Variants in GFRA4 observed in about 807,000 individuals in gnomAD.
GFRA4 encodes GDNF family receptor alpha-4.
A neutral mutation model predicts 28.5 loss-of-function variants in GFRA4; 31 were observed. The observed-to-expected ratio is 1.09, with a 90% CI of 0.82 to 1.47. GFRA4 has a LOEUF of 1.47. GFRA4 is among the 40% of genes most tolerant of loss of function. The pLI is 0.00. For synonymous variants in GFRA4, 188 were observed against 188.0 expected (o/e 1.00, Z 0.00); for missense variants, 389 against 413.2 (o/e 0.94, Z 0.51).
rs1358254277 is a variant in GFRA4, at chr20:3,661,334, T to C, written c.47-45A>G. 4 of 1,385,372 alleles carry C rather than the reference T, an allele frequency of 2.9e-6. No homozygotes were observed. In the African/African-American group the frequency reaches 4.5e-5, roughly 16 times the overall value. 85.8% of individuals were successfully genotyped at this position (1,385,372 alleles called of 1,614,324 possible). On this transcript the variant is annotated intron_variant, in intron 1 of 5. Coordinates refer to ENST00000290417, the MANE Select transcript of GFRA4 (RefSeq NM_022139.4). ...GCTGCAGGTCTCAGTGCGCCCCGCA[T>C]GCACACTTCACCCAGCCCATCCACG...
chr20:3,663,339 G>A lies in GFRA4; in HGVS notation c.46+15C>T. On this transcript the variant is annotated intron_variant, in intron 1 of 5. Coordinates refer to ENST00000290417, the MANE Select transcript of GFRA4 (RefSeq NM_022139.4). ...GGCCAGGGTTCGGGGTCCAGGGGAA[G>A]AGAGGGGCGCTCACCCAGTAACAGC... 6.2e-7 allele frequency: 1 copy of A among 1,608,708 alleles called. No homozygotes were observed. The highest frequency in any genetic ancestry group is 1.3e-5 in the African/African-American group (1 of 75,016).
At position 3,660,808 on chromosome 20, in the gene GFRA4, C is replaced by T; in HGVS notation, c.449G>A (p.Gly150Asp). Residue 150 changes from glycine (G) to aspartate (D), a missense_variant, in exon 3 of 6, where the codon GGC becomes GAC. Coordinates refer to ENST00000290417, the MANE Select transcript of GFRA4 (RefSeq NM_022139.4). ...SCTPAPSAPD[G>D]CLLDQGARCL... The stretch of plus-strand genomic sequence containing the variant: ...GCGGGCGCCCTGGTCCAGCAGGCAG[C>T]CGTCGGGGGCGCTGGGCGCTGGGGT... The T allele has an allele frequency of 7.1e-7, 1 of 1,414,364 alleles. No homozygotes were observed. Among genetic ancestry groups the T allele is most frequent in the South Asian group, 1.6e-5 (1 of 63,982 alleles). 87.6% of individuals were successfully genotyped at this position (1,414,364 alleles called of 1,614,324 possible). A position where few individuals can be genotyped will look rare whatever the true frequency, so the allele number is the denominator to read the frequency against.
In GFRA4 at chr20:3,660,755, C is replaced by A. The variant is rs959176308; in HGVS notation, c.502G>T (p.Gly168Cys). ...RCLRAYAGLV[G>C]TAVTPNYVDN... ...TCGCCCGGATCCCGGCCGCGCGTAC[C>A]CACGAGGCCCGCGTAGGCGCGCAGG... The change falls in exon 3 of 6, where the codon GGC (glycine) becomes TGC (cysteine). Residue 168 changes from glycine to cysteine, a missense_variant and splice_region_variant. By Grantham distance (159) the Gly-to-Cys change is radical. Coordinates refer to ENST00000290417, the MANE Select transcript of GFRA4 (RefSeq NM_022139.4). The A allele has an allele frequency of 9.9e-6, 14 of 1,421,218 alleles. No homozygotes were observed. The highest frequency in any genetic ancestry group is 1.2e-5 in the Non-Finnish European group (13 of 1,095,764). 88.0% of individuals were successfully genotyped at this position (1,421,218 alleles called of 1,614,324 possible).
At position 3,660,960 on chromosome 20, in the gene GFRA4, G is replaced by T; in HGVS notation, c.376C>A (p.Arg126Ser). Residue 126 changes from arginine to serine, a missense_variant, in exon 2 of 6, where the codon CGC (arginine) becomes AGC (serine). By Grantham distance (110) the Arg-to-Ser change is moderately radical. Transcript: ENST00000290417. The part of the protein sequence containing the change: ...SCLEPLNFCE[R>S]SRVCRPRLLA... ...CGCGCGCACCTGCAGACCCGGCTGC[G>T]CTCGCAGAAGTTTAAGGGCTCAAGG... The T allele has an allele frequency of 7.0e-7, 1 of 1,430,858 alleles. No individual in the cohort carries two copies. The highest frequency in any genetic ancestry group is 1.4e-5 in the South Asian group (1 of 71,936). 88.6% of individuals were successfully genotyped at this position (1,430,858 alleles called of 1,614,324 possible). A position where few individuals can be genotyped will look rare whatever the true frequency, so the allele number is the denominator to read the frequency against.
intron 5 of GFRA4, 63 bp from the exon 6 acceptor site, chr20:3,660,052 C>A: frequency 6.6e-7 from 1 of 1,513,736 alleles, no homozygotes; most frequent in Admixed American, 2.1e-5. Context: ...CTGCCTGCAC[C>A]CCCACCCCAG....
In GFRA4 at chr20:3,659,820, C is replaced by G. The variant is rs635674; in HGVS notation, c.*89G>C. On this transcript the variant is annotated 3_prime_UTR_variant, in exon 6 of 6. Transcript: ENST00000290417. ...AGGGCCGGCTTGGGGGGTAAGCCAG[C>G]CCCTTCTCAAGGGGCCAGTAGGCCA... The G allele has an allele frequency of 2.3e-6, 3 of 1,276,946 alleles. No homozygotes were observed. The highest frequency in any genetic ancestry group is 3.3e-6 in the Non-Finnish European group (3 of 904,888). 79.1% of individuals were successfully genotyped at this position (1,276,946 alleles called of 1,614,324 possible). A position where few individuals can be genotyped will look rare whatever the true frequency, so the allele number is the denominator to read the frequency against.
rs1386653508 is a variant in GFRA4, at chr20:3,661,137, C to A, written c.199G>T (p.Ala67Ser). The A allele has an allele frequency of 9.8e-6, 13 of 1,330,092 alleles. No homozygotes were observed. Among genetic ancestry groups the A allele is most frequent in the South Asian group, 2.0e-5 (1 of 49,188 alleles). The allele number at this position is 1,330,092 out of a possible 1,614,324, so 82.4% of individuals were successfully genotyped here. A position where few individuals can be genotyped will look rare whatever the true frequency, so the allele number is the denominator to read the frequency against. Residue 67 changes from alanine (A) to serine (S), a missense_variant, in exon 2 of 6, where the codon GCC becomes TCC. Transcript: ENST00000290417. ...CCGCGGGCGAAGAAGCGGCGCAGGGCCCGGCGGCAGCGGGCGCGGGGACAG... is the reference window on the plus strand; with the variant it reads ...CCGCGGGCGAAGAAGCGGCGCAGGGACCGGCGGCAGCGGGCGCGGGGACAG... ...GGCPRARCRR[A>S]LRRFFARGPP... is the part of the protein sequence containing the mutation.
In GFRA4 at chr20:3,660,928, C is replaced by A; in HGVS notation, c.392+16G>T. 7.2e-7 allele frequency: 1 copy of A among 1,379,854 alleles called. No homozygotes were observed. The highest frequency in any genetic ancestry group is 9.3e-7 in the Non-Finnish European group (1 of 1,078,374). The allele number at this position is 1,379,854 out of a possible 1,614,324, so 85.5% of individuals were successfully genotyped here. A position where few individuals can be genotyped will look rare whatever the true frequency, so the allele number is the denominator to read the frequency against. ...GTCCCCACCCTCGCCACGGCCCCGCCGCCGCCCGCGCGCACCTGCAGACCC... is the reference window on the plus strand; with the variant it reads ...GTCCCCACCCTCGCCACGGCCCCGCAGCCGCCCGCGCGCACCTGCAGACCC... On this transcript the variant is annotated intron_variant, in intron 2 of 5. Transcript: ENST00000290417.
intron 1 of GFRA4, among the ~76,000 whole-genome samples, chr20:3,662,555 G>A (rs2087234900): frequency 6.6e-6 from 1 of 152,192 alleles, no homozygotes; most frequent in Non-Finnish European, 1.5e-5. Context: ...ATTGGACCGC[G>A]TGGTGAGAGT....
chr20:3,663,122 T>C (rs1365330819), intron 1 of GFRA4, among the ~76,000 whole-genome samples: 1 of 151,908 alleles, frequency 6.6e-6, no homozygotes, highest in Non-Finnish European at 1.5e-5. Context: ...GTGCCAAGGC[T>C]GGACTCGGGA....
At chr20:3,661,312 G>A in intron 1 of GFRA4, 23 bp from the exon 2 acceptor site, 1 of 1,440,078 alleles carries the variant, frequency 6.9e-7, no homozygotes, top group South Asian at 1.4e-5. Flanking sequence ...CGGGGAGGCT[G>A]CAGGTCTCAG....
chr20:3,659,722 G>A lies in GFRA4; in HGVS notation c.*187C>T. ...ACGGGGGCTTTACAGTCAGGCCCCA[G>A]CCTACATCCCTTGCCCCAGGGGACG... On this transcript the variant is annotated 3_prime_UTR_variant, in exon 6 of 6. Coordinates refer to ENST00000290417, the MANE Select transcript of GFRA4 (RefSeq NM_022139.4). 1 of 608,008 alleles carries A rather than the reference G, an allele frequency of 1.6e-6. No homozygotes were observed. Among genetic ancestry groups the A allele is most frequent in the South Asian group, 2.0e-5 (1 of 50,908 alleles). 37.7% of individuals were successfully genotyped at this position (608,008 alleles called of 1,614,324 possible).
Position 3,661,276 on chromosome 20 carries a change from C to A in GFRA4, c.60G>T (p.Ser20=). 2.7e-6 allele frequency: 4 copies of A among 1,473,620 alleles called. No homozygotes were observed. The highest frequency in any genetic ancestry group is 3.6e-6 in the Non-Finnish European group (4 of 1,119,220). The allele number at this position is 1,473,620 out of a possible 1,614,324, so 91.3% of individuals were successfully genotyped here. The change falls in exon 2 of 6, where the codon TCG becomes TCT. Residue 20 remains serine (S), a synonymous_variant. Coordinates refer to ENST00000290417, the MANE Select transcript of GFRA4 (RefSeq NM_022139.4). The part of the protein sequence containing the change: ...LLLLLLGSAS[S]VGGNRCVDAA... ...CGTCCACACATCGGTTCCCTCCGAC[C>A]GAGCTCGCCGACCCTGGGAAAGGCG...
In GFRA4 at chr20:3,660,805, C is replaced by A; in HGVS notation, c.452G>T (p.Cys151Phe). 7.1e-7 allele frequency: 1 copy of A among 1,414,702 alleles called. No individual in the cohort carries two copies. Among genetic ancestry groups the A allele is most frequent in the Non-Finnish European group, 9.1e-7 (1 of 1,096,336 alleles). The allele number at this position is 1,414,702 out of a possible 1,614,324, so 87.6% of individuals were successfully genotyped here. A position where few individuals can be genotyped will look rare whatever the true frequency, so the allele number is the denominator to read the frequency against. ...GCAGCGGGCGCCCTGGTCCAGCAGG[C>A]AGCCGTCGGGGGCGCTGGGCGCTGG... Reference protein sequence around the residue: ...CTPAPSAPDGCLLDQGARCLR... With the variant: ...CTPAPSAPDGFLLDQGARCLR... Residue 151 changes from cysteine (C) to phenylalanine (F), a missense_variant, in exon 3 of 6, where the codon TGC becomes TTC. Cys to Phe is a radical substitution (Grantham distance 205). Transcript: ENST00000290417.
At position 3,661,282 on chromosome 20, in the gene GFRA4, C is replaced by A. The variant is rs1305713430; in HGVS notation, c.54G>T (p.Ala18=). 3 of 1,467,022 alleles carry A rather than the reference C, an allele frequency of 2.0e-6. No individual in the cohort carries two copies. Among genetic ancestry groups the A allele is most frequent in the South Asian group, 1.3e-5 (1 of 76,376 alleles). 90.9% of individuals were successfully genotyped at this position (1,467,022 alleles called of 1,614,324 possible). A position where few individuals can be genotyped will look rare whatever the true frequency, so the allele number is the denominator to read the frequency against. ...ALLLLLLLGS[A]SSVGGNRCVD... is the part of the protein sequence containing the mutation. ...CACATCGGTTCCCTCCGACCGAGCTCGCCGACCCTGGGAAAGGCGCGGGGA... is the reference window on the plus strand; with the variant it reads ...CACATCGGTTCCCTCCGACCGAGCTAGCCGACCCTGGGAAAGGCGCGGGGA... Residue 18 remains alanine (A), a synonymous_variant, in exon 2 of 6, where the codon GCG becomes GCT. Coordinates refer to ENST00000290417, the MANE Select transcript of GFRA4 (RefSeq NM_022139.4).
chr20:3,661,339 A>T (rs916237237), intron 1 of GFRA4, 50 bp from the exon 2 acceptor site: 21 of 1,374,208 alleles, frequency 1.5e-5, no homozygotes, highest in Non-Finnish European at 1.9e-5. Flanking sequence ...CCGCATGCAC[A>T]CTTCACCCAG....
intron 1 of GFRA4, among the ~76,000 whole-genome samples, chr20:3,662,840 G>C (rs2087237108): frequency 6.6e-6 from 1 of 152,152 alleles, no homozygotes; most frequent in Admixed American, 6.5e-5. Flanking sequence ...CCCTTACCCA[G>C]TCTCCACCCT....
intron 1 of GFRA4, 50 bp downstream of exon 1, chr20:3,663,304 G>A: frequency 1.3e-6 from 2 of 1,587,584 alleles, no homozygotes; most frequent in Non-Finnish European, 8.6e-7. Flanking sequence ...CTGAGGAGCA[G>A]GGACAGAGAG....
rs774747122 is a variant in GFRA4, at chr20:3,660,518, C to A, written c.637+8G>T. The stretch of plus-strand genomic sequence containing the variant: ...CACTCCCCCTCCACTCCCCCCCGGG[C>A]CCCTCACCCAAGCAGCGGTTCCTGG... On this transcript the variant is annotated splice_region_variant and intron_variant, in intron 4 of 5. Transcript: ENST00000290417. 17 of 1,306,520 alleles carry A rather than the reference C, an allele frequency of 1.3e-5. No individual in the cohort carries two copies. Among genetic ancestry groups the A allele is most frequent in the Middle Eastern group, 2.1e-4 (1 of 4,666 alleles). The allele number at this position is 1,306,520 out of a possible 1,614,324, so 80.9% of individuals were successfully genotyped here.
Sources: allele counts gnomAD v4.1 joint callset (sites outside exome capture counted in the v4.1 genomes callset), GRCh38; gene constraint gnomAD v4.1.1; transcripts MANE v1.5; gene names NCBI Gene and HGNC (gene_info 2026-07-23, HGNC 2026-07-21).